SPMIP4: variants seen among roughly 807,000 people sequenced by gnomAD.
SPMIP4 encodes sperm microtubule inner protein 4.
At chr7:25,167,171 C>T in the SPMIP4 span, among the ~76,000 whole-genome samples, 2 of 152,192 alleles carry the variant, frequency 1.3e-5, no homozygotes, top group African/African-American at 4.8e-5. Context: ...GTCTCTAGAA[C>T]AATGCTTCCT....
chr7:25,168,343 C>G, the SPMIP4 span: 3 of 1,612,738 alleles, frequency 1.9e-6, no homozygotes, highest in Non-Finnish European at 2.5e-6. Flanking sequence ...GCCCATGACA[C>G]GAGGAGGCTC....
chr7:25,160,071 G>C, the SPMIP4 span, among the ~76,000 whole-genome samples: 1 of 151,892 alleles, frequency 6.6e-6, no homozygotes, highest in African/African-American at 2.4e-5. Flanking sequence ...AACAAATGCT[G>C]AGACACCTCT....
At chr7:25,166,582 G>A in the SPMIP4 span, among the ~76,000 whole-genome samples, 1 of 149,548 alleles carries the variant, frequency 6.7e-6, no homozygotes, top group Admixed American at 6.7e-5. Context: ...GCAAGACTCT[G>A]TCTCAAAAAT....
chr7:25,158,879 G>A, the SPMIP4 span, among the ~76,000 whole-genome samples: 1 of 151,086 alleles, frequency 6.6e-6, no homozygotes, highest in South Asian at 2.1e-4. Context: ...TAATAATAAT[G>A]ATATACCCCA....
the SPMIP4 span, among the ~76,000 whole-genome samples, chr7:25,177,196 C>T: frequency 4.5e-4 from 68 of 152,314 alleles, 1 homozygote; most frequent in South Asian, 0.014. Flanking sequence ...TAAACTGAGG[C>T]TGGGTGACTT....
the SPMIP4 span, among the ~76,000 whole-genome samples, chr7:25,140,203 A>G: frequency 3.3e-5 from 5 of 152,228 alleles, no homozygotes; most frequent in Non-Finnish European, 7.3e-5. Flanking sequence ...GAATGATAAA[A>G]CACAGCCTAT....
chr7:25,168,857 C>CTT, the SPMIP4 span, among the ~76,000 whole-genome samples: 1 of 150,856 alleles, frequency 6.6e-6, no homozygotes, highest in African/African-American at 2.5e-5. Context: ...TCCCGAGTAG[C>CTT]TGACATTACA....
chr7:25,160,012 T>C, the SPMIP4 span, among the ~76,000 whole-genome samples: 1 of 151,922 alleles, frequency 6.6e-6, no homozygotes. Flanking sequence ...AAATTTAAAA[T>C]ATAAAATCTT....
the SPMIP4 span, among the ~76,000 whole-genome samples, chr7:25,146,259 C>T: frequency 6.1e-4 from 93 of 152,142 alleles, no homozygotes; most frequent in African/African-American, 2.2e-3. Context: ...GAGAAGAGGA[C>T]GCCTGGTTGG....
At chr7:25,159,665 T>C in the SPMIP4 span, among the ~76,000 whole-genome samples, 1 of 152,230 alleles carries the variant, frequency 6.6e-6, no homozygotes, top group Non-Finnish European at 1.5e-5. Flanking sequence ...TATTATCCTG[T>C]AATGTATTAT....
chr7:25,136,242 TA>T, the SPMIP4 span: 9 of 1,614,198 alleles, frequency 5.6e-6, no homozygotes, highest in Non-Finnish European at 7.6e-6. This position sits in a 1 kb window ranked among gnomAD's most constrained non-coding sequence, Gnocchi z 5.7. Context: ...AAAAATGTTC[TA>T]AAGTGAAAGC....
At chr7:25,144,184 T>C in the SPMIP4 span, among the ~76,000 whole-genome samples, 1 of 152,222 alleles carries the variant, frequency 6.6e-6, no homozygotes, top group African/African-American at 2.4e-5. Flanking sequence ...GGGATGAAAG[T>C]ACAAATGGAA....
the SPMIP4 span, chr7:25,161,179 C>G: frequency 1.3e-6 from 2 of 1,499,654 alleles, no homozygotes; most frequent in South Asian, 1.3e-5. Flanking sequence ...GGAAAAAAAC[C>G]CAGACTTACA....
chr7:25,174,337 TAACAA>T, the SPMIP4 span, among the ~76,000 whole-genome samples: 13 of 151,626 alleles, frequency 8.6e-5, no homozygotes, highest in South Asian at 2.5e-3. This position sits in a 1 kb window ranked among gnomAD's most constrained non-coding sequence, Gnocchi z 4.5. Flanking sequence ...TACATCTCTA[TAACAA>T]AGAGAATAAT....
the SPMIP4 span, among the ~76,000 whole-genome samples, chr7:25,128,006 C>T: frequency 6.6e-6 from 1 of 152,306 alleles, no homozygotes; most frequent in South Asian, 2.1e-4. The surrounding 1 kb of genome is among the most constrained non-coding windows in gnomAD (Gnocchi z 4.5). Flanking sequence ...AGGAGAATTA[C>T]CTGGATTACC....
chr7:25,151,928 C>T, the SPMIP4 span, among the ~76,000 whole-genome samples: 3 of 152,174 alleles, frequency 2.0e-5, no homozygotes, highest in East Asian at 1.9e-4. Context: ...GATCTTTCCA[C>T]GTCAGCCTCC....
the SPMIP4 span, among the ~76,000 whole-genome samples, chr7:25,130,563 G>A: frequency 6.6e-6 from 1 of 152,008 alleles, no homozygotes; most frequent in Non-Finnish European, 1.5e-5. Context: ...TTCCGCCCAC[G>A]TCAGCCTCCC....
At chr7:25,164,517 G>C in the SPMIP4 span, among the ~76,000 whole-genome samples, 5 of 152,174 alleles carry the variant, frequency 3.3e-5, no homozygotes, top group African/African-American at 1.2e-4. Flanking sequence ...AGATCTCTTA[G>C]AACATACTTT....
At chr7:25,169,103 A>C in the SPMIP4 span, among the ~76,000 whole-genome samples, 1 of 151,786 alleles carries the variant, frequency 6.6e-6, no homozygotes, top group Non-Finnish European at 1.5e-5. Context: ...AAAGTGTACA[A>C]TTCAGGCCAG....
Sources: gnomAD v4.1 joint callset for allele counts (sites outside exome capture counted in the v4.1 genomes callset) on GRCh38, gnomAD v4.1.1 for gene constraint, Gnocchi (gnomAD v3.1) non-coding constraint, MANE v1.5 for transcripts, NCBI Gene and HGNC (gene_info 2026-07-23, HGNC 2026-07-21) for gene names.